CPNE8: variants seen among roughly 807,000 people sequenced by gnomAD.
CPNE8 encodes the protein copine 8.
Under a neutral mutation model 81.5 loss-of-function variants are expected in CPNE8, and 45 were observed. The observed-to-expected ratio is 0.55, with a 90% confidence interval of 0.44 to 0.71. The LOEUF is 0.71. CPNE8 is among the 30% of genes least tolerant of loss of function. The pLI is 0.00. For missense variants in CPNE8, 594 were observed against 672.1 expected, an observed-to-expected ratio of 0.88 and a Z score of 1.28; for synonymous variants, 252 against 226.3, an observed-to-expected ratio of 1.11 and a Z score of -1.02.
intron 10 of CPNE8, among the ~76,000 whole-genome samples, chr12:38,732,033 C>A (rs188501410): frequency 2.6e-5 from 4 of 151,660 alleles, no homozygotes; most frequent in Non-Finnish European, 4.4e-5. Flanking sequence ...TCAAACACAA[C>A]GCTTTGATAT....
intron 10 of CPNE8, among the ~76,000 whole-genome samples, chr12:38,745,888 T>C (rs1456464727): frequency 6.6e-6 from 1 of 152,100 alleles, no homozygotes; most frequent in East Asian, 1.9e-4. Context: ...CAATGGTCCT[T>C]AACCCAAATC....
Position 38,729,487 on chromosome 12 carries a change from G to A in CPNE8, c.798+796C>T, listed in dbSNP as rs551976404. Among the ~76,000 whole-genome samples the A allele has an allele frequency of 5.3e-5, 8 of 151,956 alleles. No homozygotes were observed. The East Asian group carries it at 1.5e-3, about 29-fold the overall frequency. ...CTCTGTATCCCCAGGGCCTAACATA[G>A]AACATAAAATATAGAAACTACTTAA... On this transcript the variant is annotated intron_variant, in intron 11 of 19. Transcript: ENST00000331366.
chr12:38,799,625 C>T (rs1448392939), intron 6 of CPNE8, among the ~76,000 whole-genome samples: 13 of 152,126 alleles, frequency 8.5e-5, no homozygotes, highest in Non-Finnish European at 1.5e-4. Context: ...CCTAACATCA[C>T]AATTAAAAGA....
intron 6 of CPNE8, among the ~76,000 whole-genome samples, chr12:38,815,180 C>A (rs909196278): frequency 2.0e-5 from 3 of 152,162 alleles, no homozygotes; most frequent in Non-Finnish European, 4.4e-5. Flanking sequence ...GGGTCCTGGG[C>A]TCCAGCCATA....
chr12:38,872,328 T>C lies in CPNE8; in HGVS notation c.186+676A>G, dbSNP rs576133585. Among the ~76,000 whole-genome samples, 3 of 152,336 alleles carry C rather than the reference T, an allele frequency of 2.0e-5. No individual in the cohort carries two copies. In the South Asian group the frequency reaches 6.2e-4, roughly 32 times the overall value. ...GGTAAAATGACTGGCAAATGCACTCTGTGGCACAAATAGCACTAACCTCAC... is the reference window on the plus strand; with the variant it reads ...GGTAAAATGACTGGCAAATGCACTCCGTGGCACAAATAGCACTAACCTCAC... On this transcript the variant is annotated intron_variant, in intron 3 of 19. Transcript: ENST00000331366.
chr12:38,823,739 G>A (rs1283445819), intron 6 of CPNE8, among the ~76,000 whole-genome samples: 1 of 152,124 alleles, frequency 6.6e-6, no homozygotes, highest in Non-Finnish European at 1.5e-5. Context: ...TCCTCCCAGA[G>A]GAGAGAATGG....
rs148825368 is a variant in CPNE8, at chr12:38,759,841, C to T, written c.722+1006G>A. ...ATACACATGCTGGCATGTGGCTCTG[C>T]AACTGAGCAACTTTCTGCCAATGCA... On this transcript the variant is annotated intron_variant, in intron 10 of 19. Transcript: ENST00000331366. Among the ~76,000 whole-genome samples, 447 of 152,298 alleles carry T rather than the reference C, an allele frequency of 2.9e-3. 4 individuals carry two copies. Among genetic ancestry groups the T allele is most frequent in the African/African-American group, 9.4e-3 (392 of 41,566 alleles).
intron 1 of CPNE8, among the ~76,000 whole-genome samples, chr12:38,880,368 G>A (rs1028085210): frequency 2.6e-5 from 4 of 152,206 alleles, no homozygotes; most frequent in Non-Finnish European, 4.4e-5. Flanking sequence ...AGTGGGGCCC[G>A]TTGAATGAAC....
At chr12:38,833,351 C>CAAA (rs774534221) in intron 5 of CPNE8, among the ~76,000 whole-genome samples, 14 of 61,810 alleles carry the variant, frequency 2.3e-4, no homozygotes, top group Middle Eastern at 8.8e-3. Context: ...GACCTTATCT[C>CAAA]AAAAAAAAAA....
At chr12:38,879,592 T>A (rs1944121236) in intron 1 of CPNE8, among the ~76,000 whole-genome samples, 2 of 152,090 alleles carry the variant, frequency 1.3e-5, no homozygotes, top group Non-Finnish European at 2.9e-5. Flanking sequence ...TGTGAGTTAA[T>A]CCTAAAGTTG....
intron 10 of CPNE8, among the ~76,000 whole-genome samples, chr12:38,738,783 CT>C (rs1453129801): frequency 6.6e-6 from 1 of 151,034 alleles, no homozygotes; most frequent in Non-Finnish European, 1.5e-5. Flanking sequence ...TTTCTCACCT[CT>C]CAAAATTAAA....
chr12:38,723,597 G>A (rs921301002), intron 13 of CPNE8, among the ~76,000 whole-genome samples, 175 bp downstream of exon 13: 1 of 152,134 alleles, frequency 6.6e-6, no homozygotes, highest in Admixed American at 6.5e-5. Context: ...TGCCCCAAAA[G>A]TAATAGCTCT....
intron 3 of CPNE8, among the ~76,000 whole-genome samples, chr12:38,858,132 T>A (rs1184394714): frequency 6.6e-6 from 1 of 152,238 alleles, no homozygotes; most frequent in Admixed American, 6.5e-5. Flanking sequence ...AACTTGCACC[T>A]CTGTCTCCCA....
chr12:38,795,730 G>A (rs950181386), intron 6 of CPNE8, among the ~76,000 whole-genome samples: 11 of 152,110 alleles, frequency 7.2e-5, no homozygotes, highest in African/African-American at 2.7e-4. Context: ...AGGAAAAGGA[G>A]TGTTGTTTAA....
chr12:38,719,551 C>A (rs1170438917), intron 13 of CPNE8, among the ~76,000 whole-genome samples: 12 of 143,692 alleles, frequency 8.4e-5, no homozygotes, highest in African/African-American at 2.8e-4. Flanking sequence ...TGCAGTGTTG[C>A]CAGCCTGGGC....
chr12:38,795,563 A>G (rs952404993), intron 6 of CPNE8, among the ~76,000 whole-genome samples: 8 of 152,254 alleles, frequency 5.3e-5, no homozygotes, highest in Non-Finnish European at 4.4e-5. Context: ...CAGAAATCCC[A>G]TAACATACTA....
intron 5 of CPNE8, among the ~76,000 whole-genome samples, chr12:38,832,648 T>C (rs1422869222): frequency 6.6e-6 from 1 of 152,136 alleles, no homozygotes; most frequent in Non-Finnish European, 1.5e-5. Context: ...TGGAGGCCTC[T>C]ACAGGTACCG....
intron 7 of CPNE8, among the ~76,000 whole-genome samples, chr12:38,769,705 T>C (rs1349257031): frequency 1.3e-5 from 2 of 152,136 alleles, no homozygotes; most frequent in African/African-American, 2.4e-5. Flanking sequence ...GCATAATAGA[T>C]AAATGAAATG....
chr12:38,873,183 A>C (rs1327405295), intron 2 of CPNE8, 133 bp from the exon 3 acceptor site: 4 of 378,252 alleles, frequency 1.1e-5, no homozygotes, highest in African/African-American at 8.9e-5. Context: ...TTACCCTTGC[A>C]AAAAAAAAAG....
Sources: allele counts gnomAD v4.1 joint callset (sites outside exome capture counted in the v4.1 genomes callset), GRCh38; gene constraint gnomAD v4.1.1; transcripts MANE v1.5; gene names NCBI Gene and HGNC (gene_info 2026-07-23, HGNC 2026-07-21).